NUFIP1: variants seen among roughly 807,000 people sequenced by gnomAD.
The protein encoded by NUFIP1 is FMR1-interacting protein NUFIP1.
Under a neutral mutation model 56.2 loss-of-function variants are expected in NUFIP1, and 38 were observed. The observed-to-expected ratio is 0.68, with a 90% CI of 0.52 to 0.89. The LOEUF is 0.89. NUFIP1 is among the 40% of genes least tolerant of loss of function. The probability of loss-of-function intolerance (pLI) is 0.00; values close to 1 mark genes in which losing one functional copy is unlikely to be tolerated. For synonymous variants in NUFIP1, 215 were observed against 212.4 expected (o/e 1.01, Z -0.10); for missense variants, 567 against 605.8 (o/e 0.94, Z 0.67).
intron 7 of NUFIP1, among the ~76,000 whole-genome samples, chr13:44,955,744 ATCT>A (rs1871210487): frequency 2.0e-5 from 3 of 152,148 alleles, no homozygotes; most frequent in Non-Finnish European, 4.4e-5. Flanking sequence ...GGGGTGTCCA[ATCT>A]TTTGGCCTCC....
intron 5 of NUFIP1, among the ~76,000 whole-genome samples, chr13:44,974,050 A>C (rs1871889868): frequency 6.6e-6 from 1 of 152,250 alleles, no homozygotes; most frequent in Admixed American, 6.5e-5. Context: ...ACAAACTTTT[A>C]AATTTTACAC....
intron 8 of NUFIP1, among the ~76,000 whole-genome samples, chr13:44,946,814 T>A (rs1593356963): frequency 6.6e-6 from 1 of 152,278 alleles, no homozygotes; most frequent in East Asian, 1.9e-4. Context: ...AAAAGACCAC[T>A]TTGTTTCCTT....
At position 44,947,783 on chromosome 13, in the gene NUFIP1, G is replaced by A. The variant is rs536017382; in HGVS notation, c.1138+1939C>T. On this transcript the variant is annotated intron_variant, in intron 8 of 9. Coordinates refer to ENST00000379161, the MANE Select transcript of NUFIP1 (RefSeq NM_012345.3). ...TGTTATGAATACAACTGATAAGCAG[G>A]AAATGTAATATGTGTTTAAAGAATA... Among the ~76,000 whole-genome samples the A allele has an allele frequency of 2.0e-5, 3 of 152,228 alleles. No individual in the cohort carries two copies. In the East Asian group the frequency reaches 5.8e-4, roughly 29 times the overall value.
rs148825276 is a variant in NUFIP1, at chr13:44,986,507, T to G, written c.412+2518A>C. ...GCGATCGAGACCATCCTGGCTAACATGGTGAAACCCCATCTCTACTAAAAA... is the reference window on the plus strand; with the variant it reads ...GCGATCGAGACCATCCTGGCTAACAGGGTGAAACCCCATCTCTACTAAAAA... On this transcript the variant is annotated intron_variant, in intron 1 of 9. Transcript: ENST00000379161. Among the ~76,000 whole-genome samples the G allele has an allele frequency of 8.2e-3, 1,240 of 152,010 alleles. 16 individuals carry two copies. The highest frequency in any genetic ancestry group is 0.028 in the African/African-American group (1,180 of 41,468).
chr13:44,959,004 T>C (rs886168386), intron 7 of NUFIP1, among the ~76,000 whole-genome samples: 1 of 152,218 alleles, frequency 6.6e-6, no homozygotes, highest in Non-Finnish European at 1.5e-5. Context: ...GCATAAAGTA[T>C]ACTGACTTCC....
chr13:44,973,394 G>C (rs920362643), intron 5 of NUFIP1, among the ~76,000 whole-genome samples: 2 of 152,090 alleles, frequency 1.3e-5, no homozygotes, highest in African/African-American at 4.8e-5. Flanking sequence ...CAAAGATACA[G>C]CTCAAACATG....
At chr13:44,976,830 G>A (rs1397778100) in intron 5 of NUFIP1, among the ~76,000 whole-genome samples, 1 of 152,194 alleles carries the variant, frequency 6.6e-6, no homozygotes, top group African/African-American at 2.4e-5. Context: ...GCTCACAGGA[G>A]ACAGGCAAAT....
At chr13:44,958,687 A>G (rs1219640078) in intron 7 of NUFIP1, among the ~76,000 whole-genome samples, 2 of 152,238 alleles carry the variant, frequency 1.3e-5, no homozygotes, top group Admixed American at 6.5e-5. Flanking sequence ...CCTTTGCAGT[A>G]CAAAGCATAT....
intron 6 of NUFIP1, 133 bp downstream of exon 6, chr13:44,965,705 TAAATAA>T (rs1316806478): frequency 6.1e-6 from 2 of 326,116 alleles, no homozygotes; most frequent in Non-Finnish European, 1.1e-5. Flanking sequence ...AAAAAATAAA[TAAATAA>T]AAATAAAAAT....
intron 5 of NUFIP1, among the ~76,000 whole-genome samples, chr13:44,973,441 CACTT>C (rs1871870914): frequency 6.6e-6 from 1 of 152,284 alleles, no homozygotes; most frequent in Admixed American, 6.5e-5. Context: ...CTTCTCCAAC[CACTT>C]ACTTGTGTGT....
At chr13:44,959,856 C>T (rs963043622) in intron 6 of NUFIP1, among the ~76,000 whole-genome samples, 1 of 151,912 alleles carries the variant, frequency 6.6e-6, no homozygotes, top group African/African-American at 2.4e-5. Flanking sequence ...TGGGCTGTGT[C>T]GTATTATCAT....
At chr13:44,963,577 T>A (rs929792350) in intron 6 of NUFIP1, among the ~76,000 whole-genome samples, 46 of 152,362 alleles carry the variant, frequency 3.0e-4, no homozygotes, top group African/African-American at 1.1e-3. Context: ...TGCTAATATG[T>A]CTTTTTTATG....
Position 44,941,028 on chromosome 13 carries a change from TA to T in NUFIP1, c.*177del, listed in dbSNP as rs1205136216. The T allele has an allele frequency of 3.8e-5, 18 of 468,338 alleles. No individual in the cohort carries two copies. Among genetic ancestry groups the T allele is most frequent in the Admixed American group, 1.9e-4 (5 of 26,002 alleles). 29.0% of individuals were successfully genotyped at this position (468,338 alleles called of 1,614,324 possible). ...ACAGACACAGTCTTAAAAAATCAGT[TA>T]TTTTTTTATTTGCATAGAACCAAAG... On this transcript the variant is annotated 3_prime_UTR_variant, in exon 10 of 10. Coordinates refer to ENST00000379161, the MANE Select transcript of NUFIP1 (RefSeq NM_012345.3).
chr13:44,969,452 A>G (rs887490875), intron 5 of NUFIP1, among the ~76,000 whole-genome samples: 3 of 152,244 alleles, frequency 2.0e-5, no homozygotes, highest in Admixed American at 1.3e-4. Context: ...AGTTACATAC[A>G]TGTAAAGCTT....
chr13:44,981,820 T>G (rs553011425), intron 2 of NUFIP1, among the ~76,000 whole-genome samples: 1 of 151,962 alleles, frequency 6.6e-6, no homozygotes, highest in East Asian at 1.9e-4. Context: ...TAAAAAAAAA[T>G]AAGGTAAAAT....
chr13:44,970,234 A>G (rs1871754938), intron 5 of NUFIP1, among the ~76,000 whole-genome samples: 1 of 152,128 alleles, frequency 6.6e-6, no homozygotes, highest in South Asian at 2.1e-4. Flanking sequence ...TTTTTTGGGG[A>G]GGTAGGGGAA....
chr13:44,968,745 TAC>T (rs560628342), intron 5 of NUFIP1, among the ~76,000 whole-genome samples: 1 of 152,234 alleles, frequency 6.6e-6, no homozygotes, highest in Non-Finnish European at 1.5e-5. Context: ...TGCAGACTCT[TAC>T]CATGTTGGGC....
Position 44,980,784 on chromosome 13 carries a change from T to A in NUFIP1, c.532A>T (p.Thr178Ser). The part of the protein sequence containing the change: ...KEPVFHFFCD[T>S]CDRGFKNQEK... ...TGATTTTTAAAACCACGATCACAGG[T>A]ATCACAAAAAAAGTGAAAAACTGGT... is the stretch of plus-strand genomic sequence containing the variant. The change falls in exon 3 of 10, where the codon ACC becomes TCC. Residue 178 changes from threonine (T) to serine (S), a missense_variant. Physicochemically the swap from Thr to Ser is moderately conservative, Grantham distance 58. Coordinates refer to ENST00000379161, the MANE Select transcript of NUFIP1 (RefSeq NM_012345.3). 1 of 1,604,190 alleles carries A rather than the reference T, an allele frequency of 6.2e-7. No individual in the cohort carries two copies. Among genetic ancestry groups the A allele is most frequent in the South Asian group, 1.1e-5 (1 of 88,060 alleles).
chr13:44,954,346 C>G (rs1319068578), intron 7 of NUFIP1, among the ~76,000 whole-genome samples: 1 of 152,004 alleles, frequency 6.6e-6, no homozygotes, highest in East Asian at 1.9e-4. Flanking sequence ...TCCCACCATC[C>G]CCCCCTAAAA....
Sources: allele counts gnomAD v4.1 joint callset (sites outside exome capture counted in the v4.1 genomes callset), GRCh38; gene constraint gnomAD v4.1.1; transcripts MANE v1.5; gene names NCBI Gene and HGNC (gene_info 2026-07-23, HGNC 2026-07-21).